UGT1A9: variants seen among roughly 807,000 people sequenced by gnomAD.
The protein encoded by UGT1A9 is UDP-glucuronosyltransferase 1A9.
In UGT1A9, 35 loss-of-function variants were observed where a neutral mutation model predicts 45.0. The ratio of observed to expected loss-of-function variants is 0.78; its 90% CI spans 0.59 to 1.03. The LOEUF (loss-of-function observed/expected upper bound fraction) is 1.03, where lower values mean the gene tolerates loss of function less well. UGT1A9 is among the 50% of genes least tolerant of loss of function. The pLI is 0.00. For missense variants in UGT1A9, 687 were observed against 666.6 expected (o/e 1.03, Z -0.34); for synonymous variants, 278 against 250.6 (o/e 1.11, Z -1.03).
chr2:233,677,323 G>T (rs552269750), intron 1 of UGT1A9, among the ~76,000 whole-genome samples: 5 of 152,100 alleles, frequency 3.3e-5, no homozygotes, highest in African/African-American at 1.2e-4. Context: ...AGTGTTCATT[G>T]CTAGTATAGT....
At chr2:233,729,492 G>A (rs2077867797) in intron 1 of UGT1A9, 26 of 1,614,172 alleles carry the variant, frequency 1.6e-5, no homozygotes, top group Non-Finnish European at 2.0e-5. Context: ...ATATGTCTTT[G>A]GTCTATCATA....
At chr2:233,681,927 G>A in intron 1 of UGT1A9, 2 of 1,610,084 alleles carry the variant, frequency 1.2e-6, no homozygotes, top group Middle Eastern at 1.7e-4. Flanking sequence ...GCTCTGGGCT[G>A]AAGTTCTCTG....
At chr2:233,744,762 A>G (rs1310047679) in intron 1 of UGT1A9, among the ~76,000 whole-genome samples, 12 of 151,872 alleles carry the variant, frequency 7.9e-5, no homozygotes, top group Non-Finnish European at 4.4e-5. Flanking sequence ...AAATAGTTTT[A>G]ACTTTGCAAA....
At chr2:233,747,816 T>A in intron 1 of UGT1A9, 1 of 1,613,472 alleles carries the variant, frequency 6.2e-7, no homozygotes, top group Non-Finnish European at 8.5e-7. Flanking sequence ...AACGACCAAT[T>A]CAGACCACAT....
rs747059242 is a variant in UGT1A9 at position 233,693,604 on chromosome 2, A to T, written c.855+20815A>T. The T allele has an allele frequency of 7.4e-6, 12 of 1,614,100 alleles. No individual in the cohort carries two copies. The South Asian group carries it at 1.2e-4, about 16-fold the overall frequency. On this transcript the variant is annotated intron_variant, in intron 1 of 4. Transcript: ENST00000354728. ...TTCCCAGGTGCTACACAAAGTTTTC[A>T]GACCACATGACTTTTTCCCAACGAG... is the stretch of plus-strand genomic sequence containing the variant.
At chr2:233,723,587 T>C (rs2077102865) in intron 1 of UGT1A9, among the ~76,000 whole-genome samples, 1 of 113,268 alleles carries the variant, frequency 8.8e-6, no homozygotes, top group Non-Finnish European at 1.8e-5. Context: ...GAGGGGGATT[T>C]GGCAGGGTCA....
chr2:233,760,870 A>G lies in UGT1A9; in HGVS notation c.856-6164A>G, dbSNP rs761998591. Reference sequence around the variant, plus strand: ...CCCCAACCCATTCTCCTACGTGCCCAGGCCTCTCTCCTCTCATTCAGATCA... The same window carrying G: ...CCCCAACCCATTCTCCTACGTGCCCGGGCCTCTCTCCTCTCATTCAGATCA... On this transcript the variant is annotated intron_variant, in intron 1 of 4. Transcript: ENST00000354728. 2.5e-6 allele frequency: 4 copies of G among 1,614,048 alleles called. No individual in the cohort carries two copies. Among genetic ancestry groups the G allele is most frequent in the Admixed American group, 3.3e-5 (2 of 60,002 alleles).
chr2:233,693,452 G>A, intron 1 of UGT1A9: 1 of 1,614,126 alleles, frequency 6.2e-7, no homozygotes, highest in South Asian at 1.1e-5. Context: ...TCTTTTCACA[G>A]ACCCAGCCTT....
intron 1 of UGT1A9, among the ~76,000 whole-genome samples, chr2:233,686,542 T>C (rs563884685): frequency 2.6e-5 from 4 of 152,240 alleles, no homozygotes; most frequent in African/African-American, 9.6e-5. Context: ...AACCTTTCCG[T>C]GGCTTTCTGA....
At chr2:233,685,302 A>G (rs1183812820) in intron 1 of UGT1A9, among the ~76,000 whole-genome samples, 1 of 152,094 alleles carries the variant, frequency 6.6e-6, no homozygotes, top group African/African-American at 2.4e-5. Flanking sequence ...CAAAGTGTTG[A>G]GATTACAGGT....
At chr2:233,756,056 A>G (rs1035647864) in intron 1 of UGT1A9, 1 of 152,220 alleles carries the variant, frequency 6.6e-6, no homozygotes, top group African/African-American at 2.4e-5. Context: ...TCCACTGTAC[A>G]CTTGTGGGAG....
chr2:233,679,374 G>T (rs2074450843), intron 1 of UGT1A9, among the ~76,000 whole-genome samples: 1 of 152,222 alleles, frequency 6.6e-6, no homozygotes, highest in Admixed American at 6.5e-5. Context: ...CTGTCAGTGA[G>T]TGTTGATCTT....
Position 233,720,581 on chromosome 2 carries a change from A to G in UGT1A9, c.856-46453A>G, listed in dbSNP as rs181667359. On this transcript the variant is annotated intron_variant, in intron 1 of 4. Transcript: ENST00000354728. ...AGTGGGATCTATTCTTTTTCCAAAA[A>G]TTTCAGAGGTGACTTTCATTAATAC... Among the ~76,000 whole-genome samples, 178 of 152,248 alleles carry G rather than the reference A, an allele frequency of 1.2e-3. 1 individual carries two copies. The highest frequency in any genetic ancestry group is 5.3e-3 in the Admixed American group (81 of 15,296).
rs879204025 is a variant in UGT1A9, at chr2:233,769,857, CAAA to C, written c.1295+1433_1295+1435del. The C allele has an allele frequency of 9.2e-3, 2,056 of 222,634 alleles. No homozygotes were observed. Among genetic ancestry groups the C allele is most frequent in the South Asian group, 0.014 (129 of 9,020 alleles). The allele number at this position is 222,634 out of a possible 1,614,324, so 13.8% of individuals were successfully genotyped here. On this transcript the variant is annotated intron_variant, in intron 4 of 4. Transcript: ENST00000354728. The surrounding 1 kb of genome is among the most constrained non-coding windows in gnomAD (Gnocchi z 4.4). ...TGGGCAACAGAGTGAGACCCTGTCT[CAAA>C]AAAAAAAAAAAAAATGAAAAGTCCA...
chr2:233,724,303 C>T (rs1272665278), intron 1 of UGT1A9, among the ~76,000 whole-genome samples: 6 of 139,774 alleles, frequency 4.3e-5, no homozygotes, highest in South Asian at 2.5e-4. Flanking sequence ...CCCCCCACCT[C>T]CCTCCCGGAC....
chr2:233,724,371 C>A (rs1285685419), intron 1 of UGT1A9, among the ~76,000 whole-genome samples: 1 of 147,620 alleles, frequency 6.8e-6, no homozygotes, highest in Non-Finnish European at 1.5e-5. Flanking sequence ...GACGGGGTGG[C>A]TGCCGGGCGG....
chr2:233,687,260 C>T (rs916820403), intron 1 of UGT1A9, among the ~76,000 whole-genome samples: 2 of 152,106 alleles, frequency 1.3e-5, no homozygotes, highest in Non-Finnish European at 2.9e-5. Context: ...TGATCTTAAC[C>T]ATGCATTCAG....
chr2:233,678,888 G>T (rs1386384880), intron 1 of UGT1A9, among the ~76,000 whole-genome samples: 1 of 152,038 alleles, frequency 6.6e-6, no homozygotes, highest in African/African-American at 2.4e-5. Context: ...TTCCTTGATT[G>T]GCTCTGTCAT....
intron 1 of UGT1A9, among the ~76,000 whole-genome samples, chr2:233,745,064 T>C (rs1693002453): frequency 6.6e-6 from 1 of 151,912 alleles, no homozygotes; most frequent in Non-Finnish European, 1.5e-5. Flanking sequence ...TTTGTATTAT[T>C]TGTATTGTTT....
Sources: gnomAD v4.1 joint callset for allele counts (sites outside exome capture counted in the v4.1 genomes callset) on GRCh38, gnomAD v4.1.1 for gene constraint, Gnocchi (gnomAD v3.1) non-coding constraint, MANE v1.5 for transcripts, NCBI Gene and HGNC (gene_info 2026-07-23, HGNC 2026-07-21) for gene names.